Variants in GLCCI1 observed in about 807,000 individuals in gnomAD.
The protein encoded by GLCCI1 is glucocorticoid-induced transcript 1 protein.
A neutral mutation model predicts 52.2 loss-of-function variants in GLCCI1; 24 were observed. That is an observed-to-expected ratio of 0.46 (90% CI 0.33 to 0.65). The LOEUF (loss-of-function observed/expected upper bound fraction) is 0.65. GLCCI1 is among the 30% of genes least tolerant of loss of function. The pLI is 0.02. For missense variants in GLCCI1, 704 were observed against 701.5 expected, an observed-to-expected ratio of 1.00 and a Z score of -0.04; for synonymous variants, 310 against 276.5, an observed-to-expected ratio of 1.12 and a Z score of -1.20.
intron 3 of GLCCI1, among the ~76,000 whole-genome samples, chr7:8,028,219 A>G (rs1156866815): frequency 6.6e-6 from 1 of 152,190 alleles, no homozygotes; most frequent in Non-Finnish European, 1.5e-5. Context: ...GTCACAAAAC[A>G]TGTCTTAAAA....
chr7:8,044,092 C>G (rs1782065708), intron 3 of GLCCI1, among the ~76,000 whole-genome samples: 1 of 151,930 alleles, frequency 6.6e-6, no homozygotes, highest in South Asian at 2.1e-4. Flanking sequence ...CTACAGGCGC[C>G]TGCCACCATG....
chr7:8,045,701 T>C (rs1782107163), intron 3 of GLCCI1, among the ~76,000 whole-genome samples: 1 of 152,198 alleles, frequency 6.6e-6, no homozygotes, highest in African/African-American at 2.4e-5. Flanking sequence ...TATATGTAGA[T>C]GTGGCACCTG....
At chr7:8,019,257 G>A (rs566310834) in intron 2 of GLCCI1, among the ~76,000 whole-genome samples, 1 of 152,152 alleles carries the variant, frequency 6.6e-6, no homozygotes, top group Non-Finnish European at 1.5e-5. Context: ...TGGTTATTGA[G>A]CTTTTAAAAT....
chr7:8,082,088 C>A (rs1411481020), intron 6 of GLCCI1, among the ~76,000 whole-genome samples: 1 of 152,116 alleles, frequency 6.6e-6, no homozygotes, highest in Non-Finnish European at 1.5e-5. Context: ...TACCATGAGA[C>A]TTCTCATCTT....
chr7:8,014,632 C>T (rs1781339764), intron 2 of GLCCI1, among the ~76,000 whole-genome samples: 1 of 152,140 alleles, frequency 6.6e-6, no homozygotes, highest in Non-Finnish European at 1.5e-5. Context: ...GTATAAATAT[C>T]ATCTGAATTC....
intron 2 of GLCCI1, among the ~76,000 whole-genome samples, chr7:8,016,688 TG>T (rs1781389025): frequency 1.3e-5 from 2 of 152,254 alleles, no homozygotes; most frequent in Middle Eastern, 3.4e-3. Flanking sequence ...TAACAGCTTT[TG>T]GGGGACAACT....
chr7:8,075,685 A>G (rs542489281), intron 6 of GLCCI1, among the ~76,000 whole-genome samples: 5 of 152,324 alleles, frequency 3.3e-5, no homozygotes, highest in Non-Finnish European at 7.3e-5. Context: ...GTTGTTATAA[A>G]ATTCTGCAAT....
At chr7:8,011,182 T>A (rs1781255994) in intron 2 of GLCCI1, among the ~76,000 whole-genome samples, 1 of 152,306 alleles carries the variant, frequency 6.6e-6, no homozygotes, top group Admixed American at 6.5e-5. Flanking sequence ...ATTTTTTAAA[T>A]GTACAGTTCC....
At chr7:8,081,022 G>A (rs762613358) in intron 6 of GLCCI1, among the ~76,000 whole-genome samples, 1 of 151,378 alleles carries the variant, frequency 6.6e-6, no homozygotes, top group Non-Finnish European at 1.5e-5. Context: ...TCATGTCAGT[G>A]GTATTTTCTA....
intron 1 of GLCCI1, chr7:7,982,109 CA>C: frequency 2.3e-6 from 1 of 432,466 alleles, no homozygotes; most frequent in African/African-American, 2.1e-5. Flanking sequence ...GAGGAATGGC[CA>C]TTATAGTAAT....
intron 1 of GLCCI1, among the ~76,000 whole-genome samples, chr7:8,002,775 G>T (rs38011): frequency 0.43 from 65,096 of 152,060 alleles, 14,200 homozygotes; most frequent in Middle Eastern, 0.52. Flanking sequence ...CACATTAGTA[G>T]TAAATTATTT....
At chr7:8,055,753 G>T (rs752843790) in intron 4 of GLCCI1, 2 of 361,106 alleles carry the variant, frequency 5.5e-6, no homozygotes, top group Non-Finnish European at 1.0e-5. Flanking sequence ...ACTTTGGGAG[G>T]CCGAGGCGGG....
At chr7:8,040,180 G>T (rs1363917712) in intron 3 of GLCCI1, among the ~76,000 whole-genome samples, 1 of 152,026 alleles carries the variant, frequency 6.6e-6, no homozygotes, top group Admixed American at 6.6e-5. Flanking sequence ...AGTCATTAGG[G>T]AAATGAAAAT....
chr7:8,045,584 C>T (rs1399296800), intron 3 of GLCCI1, among the ~76,000 whole-genome samples: 1 of 152,120 alleles, frequency 6.6e-6, no homozygotes, highest in Non-Finnish European at 1.5e-5. Context: ...TTAGGCAGTG[C>T]AACTATACCT....
chr7:8,043,945 A>T (rs1782060669), intron 3 of GLCCI1, among the ~76,000 whole-genome samples: 3 of 139,202 alleles, frequency 2.2e-5, no homozygotes, highest in South Asian at 4.5e-4. Context: ...GAAGCACTAA[A>T]TTTTTTTTTT....
intron 2 of GLCCI1, among the ~76,000 whole-genome samples, chr7:8,009,276 A>G (rs755321538): frequency 2.0e-5 from 3 of 152,230 alleles, no homozygotes; most frequent in Non-Finnish European, 4.4e-5. Flanking sequence ...TTACTATAAT[A>G]AAACAGTAAT....
At chr7:7,974,900 T>C (rs1780431395) in intron 1 of GLCCI1, among the ~76,000 whole-genome samples, 3 of 152,206 alleles carry the variant, frequency 2.0e-5, no homozygotes, top group Non-Finnish European at 4.4e-5. Context: ...ATTTATTCTT[T>C]TATTAAGTGT....
chr7:8,028,964 C>G (rs1781687487), intron 3 of GLCCI1, among the ~76,000 whole-genome samples: 1 of 152,132 alleles, frequency 6.6e-6, no homozygotes, highest in South Asian at 2.1e-4. Flanking sequence ...ACTAAAAAGT[C>G]TTCCAGTAAA....
chr7:8,035,156 G>A (rs954327718), intron 3 of GLCCI1, among the ~76,000 whole-genome samples: 1 of 152,164 alleles, frequency 6.6e-6, no homozygotes, highest in Non-Finnish European at 1.5e-5. Context: ...GATTCTCAGT[G>A]GTCTCTCCCT....
Sources: gnomAD v4.1 joint callset for allele counts (sites outside exome capture counted in the v4.1 genomes callset) on GRCh38, gnomAD v4.1.1 for gene constraint, MANE v1.5 for transcripts, NCBI Gene and HGNC (gene_info 2026-07-23, HGNC 2026-07-21) for gene names.